MYO9A: variants seen among roughly 807,000 people sequenced by gnomAD.
MYO9A encodes the protein myosin IXA, also known as unconventional myosin-IXa.
In MYO9A, 103 loss-of-function variants were observed where a neutral mutation model predicts 293.3. That is an observed-to-expected ratio of 0.35 (90% CI 0.30 to 0.41). MYO9A has a LOEUF of 0.41. Among genes scored for constraint, MYO9A ranks in the 10% least tolerant of loss-of-function variants. The pLI is 1.00. For missense variants in MYO9A, 2,685 were observed against 3,033.0 expected (o/e 0.89, Z 2.69); for synonymous variants, 1,001 against 1,035.7 (o/e 0.97, Z 0.64).
chr15:72,058,466 T>C (rs2078783740), intron 1 of MYO9A, among the ~76,000 whole-genome samples: 1 of 151,970 alleles, frequency 6.6e-6, no homozygotes. Flanking sequence ...AAAAAAACTA[T>C]GAAAATATAC....
intron 2 of MYO9A, among the ~76,000 whole-genome samples, chr15:72,037,511 C>T (rs2078091451): frequency 6.6e-6 from 1 of 152,026 alleles, no homozygotes; most frequent in South Asian, 2.1e-4. Context: ...TGGCTGAGTA[C>T]TGAAGGGGTG....
chr15:72,025,492 C>T (rs769503802), intron 4 of MYO9A, among the ~76,000 whole-genome samples: 14 of 152,154 alleles, frequency 9.2e-5, no homozygotes, highest in South Asian at 2.1e-4. Context: ...TCCCAAGTAG[C>T]TGGAAATACA....
chr15:72,070,623 G>A (rs530816925), intron 1 of MYO9A, among the ~76,000 whole-genome samples: 1 of 152,060 alleles, frequency 6.6e-6, no homozygotes, highest in Non-Finnish European at 1.5e-5. Context: ...CCAGGAGGTG[G>A]AGGCTGCGGT....
At chr15:71,986,331 T>C (rs2076406472) in intron 11 of MYO9A, among the ~76,000 whole-genome samples, 1 of 152,104 alleles carries the variant, frequency 6.6e-6, no homozygotes, top group South Asian at 2.1e-4. Context: ...CTGAAACCAA[T>C]CCCCTGTGGA....
At chr15:71,893,874 G>T in intron 25 of MYO9A, 96 bp from the exon 26 acceptor site, 1 of 942,466 alleles carries the variant, frequency 1.1e-6, no homozygotes. Flanking sequence ...AATATTTTCA[G>T]ATCTTAGTCA....
intron 17 of MYO9A, chr15:71,935,110 A>G (rs1433735631): frequency 9.5e-6 from 4 of 421,240 alleles, no homozygotes; most frequent in Non-Finnish European, 1.7e-5. Context: ...CTCAGTCATG[A>G]TTCTCCTGGT....
At chr15:71,952,500 T>A (rs948539956) in intron 14 of MYO9A, among the ~76,000 whole-genome samples, 3 of 152,120 alleles carry the variant, frequency 2.0e-5, no homozygotes, top group Non-Finnish European at 2.9e-5. Flanking sequence ...AGGATAGAAA[T>A]CAGCTACCAG....
At chr15:72,019,795 G>A (rs2077448603) in intron 5 of MYO9A, among the ~76,000 whole-genome samples, 1 of 152,086 alleles carries the variant, frequency 6.6e-6, no homozygotes, top group East Asian at 1.9e-4. Flanking sequence ...TGTTGCCCAG[G>A]CTGGAGTGCG....
rs751675807 is a variant in MYO9A at position 71,959,994 on chromosome 15, C to A, written c.2089G>T (p.Val697Leu). Reference sequence around the variant, plus strand: ...AGAATTGCCCATCGGAAAACAGCTACAGGATCAATTCCAATCATCCCAGAG... The same window carrying A: ...AGAATTGCCCATCGGAAAACAGCTAAAGGATCAATTCCAATCATCCCAGAG... Reference protein sequence around the residue: ...FISGMIGIDPVAVFRWAILRA... With the variant: ...FISGMIGIDPLAVFRWAILRA... The change falls in exon 14 of 42, where the codon GTA becomes TTA. Residue 697 changes from valine to leucine, a missense_variant. Around this residue, in one of 10 missense-constraint regions of MYO9A, gnomAD observed 201 missense variants for 245.2 expected, o/e 0.82. Transcript: ENST00000356056. 1 of 1,614,074 alleles carries A rather than the reference C, an allele frequency of 6.2e-7. No homozygotes were observed. The highest frequency in any genetic ancestry group is 8.5e-7 in the Non-Finnish European group (1 of 1,179,978).
intron 16 of MYO9A, among the ~76,000 whole-genome samples, chr15:71,935,939 TCACA>T (rs1002490937): frequency 4.1e-5 from 6 of 145,544 alleles, no homozygotes; most frequent in African/African-American, 1.5e-4. Flanking sequence ...CACTCACTAC[TCACA>T]CACCCATTAA....
chr15:71,986,261 T>A (rs886114674), intron 11 of MYO9A, among the ~76,000 whole-genome samples: 2 of 152,226 alleles, frequency 1.3e-5, no homozygotes, highest in Non-Finnish European at 2.9e-5. Flanking sequence ...GCAAATACTA[T>A]GCCATTTTAC....
chr15:71,902,065 A>T (rs1204254209), intron 22 of MYO9A, among the ~76,000 whole-genome samples: 1 of 152,118 alleles, frequency 6.6e-6, no homozygotes, highest in African/African-American at 2.4e-5. Context: ...TATACCTCTC[A>T]TTTGAGAGCA....
intron 14 of MYO9A, among the ~76,000 whole-genome samples, chr15:71,956,365 G>T (rs1159665816): frequency 8.7e-5 from 9 of 103,828 alleles, no homozygotes; most frequent in Non-Finnish European, 1.6e-4. Context: ...TACGCCCAGC[G>T]TGGTGGCTCA....
At chr15:71,849,066 G>A (rs978328092) in intron 38 of MYO9A, 98 bp from the exon 39 acceptor site, 2 of 1,195,822 alleles carry the variant, frequency 1.7e-6, no homozygotes, top group African/African-American at 1.6e-5. Context: ...GAAAGATGAA[G>A]GAAAAAATTA....
intron 11 of MYO9A, among the ~76,000 whole-genome samples, chr15:71,982,372 T>C (rs1596320081): frequency 6.6e-6 from 1 of 152,142 alleles, no homozygotes. Flanking sequence ...TATTTTTTAG[T>C]TACTGATTTC....
chr15:71,951,444 T>G (rs930136361), intron 15 of MYO9A, among the ~76,000 whole-genome samples: 1 of 152,028 alleles, frequency 6.6e-6, no homozygotes, highest in African/African-American at 2.4e-5. Context: ...TTTGTTGTTT[T>G]TTTTTTTATG....
intron 32 of MYO9A, among the ~76,000 whole-genome samples, chr15:71,864,229 A>T (rs2056246778): frequency 6.6e-6 from 1 of 152,268 alleles, no homozygotes; most frequent in South Asian, 2.1e-4. Context: ...ACATGAAAAG[A>T]TGTTCAACAT....
intron 1 of MYO9A, among the ~76,000 whole-genome samples, chr15:72,107,642 G>T (rs2080619066): frequency 6.6e-6 from 1 of 151,914 alleles, no homozygotes; most frequent in African/African-American, 2.4e-5. Flanking sequence ...AGAAATTGCT[G>T]ATTCCAAGTC....
intron 11 of MYO9A, among the ~76,000 whole-genome samples, chr15:71,990,224 A>G (rs548076334): frequency 6.6e-5 from 10 of 151,774 alleles, no homozygotes; most frequent in Non-Finnish European, 1.3e-4. Context: ...AGCTGGGACA[A>G]CTGGCATGCA....
Sources: gnomAD v4.1 joint callset for allele counts (sites outside exome capture counted in the v4.1 genomes callset) on GRCh38, gnomAD v4.1.1 for gene constraint, gnomAD v4.1.1 regional missense constraint, MANE v1.5 for transcripts, NCBI Gene and HGNC (gene_info 2026-07-23, HGNC 2026-07-21) for gene names.